The following UXS1 variants were observed in gnomAD, a reference collection of about 807,000 sequenced individuals.
UXS1 encodes UDP-glucuronic acid decarboxylase 1.
A neutral mutation model predicts 62.6 loss-of-function variants in UXS1; 33 were observed. The ratio of observed to expected loss-of-function variants is 0.53; its 90% CI spans 0.40 to 0.70. The LOEUF is 0.70. Among genes scored for constraint, UXS1 ranks in the 30% least tolerant of loss-of-function variants. The probability of loss-of-function intolerance (pLI) is 0.00; values close to 1 mark genes in which losing one functional copy is unlikely to be tolerated. For missense variants in UXS1, 434 were observed against 556.3 expected (o/e 0.78, Z 2.21); for synonymous variants, 213 against 206.8 (o/e 1.03, Z -0.26).
intron 9 of UXS1, among the ~76,000 whole-genome samples, chr2:106,121,488 T>C (rs1229469833): frequency 6.6e-6 from 1 of 152,126 alleles, no homozygotes. Flanking sequence ...CTGGAACACA[T>C]TCTAGAATAA....
chr2:106,141,745 G>A (rs1475527704), intron 6 of UXS1, among the ~76,000 whole-genome samples: 2 of 151,088 alleles, frequency 1.3e-5, no homozygotes, highest in African/African-American at 2.4e-5. Flanking sequence ...CACTGTGCCC[G>A]GCCATCTTTT....
At chr2:106,145,524 T>C (rs1172895105) in intron 5 of UXS1, 154 bp from the exon 6 acceptor site, 1 of 878,780 alleles carries the variant, frequency 1.1e-6, no homozygotes, top group Non-Finnish European at 1.7e-6. Context: ...TAAGGTAGCA[T>C]CTTGACTCTT....
chr2:106,112,415 T>C (rs1377122178), intron 10 of UXS1, among the ~76,000 whole-genome samples: 1 of 152,198 alleles, frequency 6.6e-6, no homozygotes, highest in African/African-American at 2.4e-5. Context: ...CCTGGAGGCA[T>C]GGGCAGGGAC....
At chr2:106,124,876 T>G (rs1679800322) in intron 8 of UXS1, among the ~76,000 whole-genome samples, 1 of 152,188 alleles carries the variant, frequency 6.6e-6, no homozygotes, top group South Asian at 2.1e-4. Context: ...TAAAAAAAAG[T>G]CTCTTCTGAT....
At chr2:106,102,217 C>A (rs1274856485) in intron 11 of UXS1, 1 of 152,200 alleles carries the variant, frequency 6.6e-6, no homozygotes, top group Admixed American at 6.5e-5. Context: ...TTTATAGAAA[C>A]TAGCAAAAAG....
intron 7 of UXS1, among the ~76,000 whole-genome samples, chr2:106,125,890 G>A (rs982944876): frequency 1.3e-5 from 2 of 152,216 alleles, no homozygotes; most frequent in Admixed American, 6.5e-5. Context: ...GTATTTTGTT[G>A]AATACTTGTC....
chr2:106,139,661 T>G (rs1177789418), intron 6 of UXS1, among the ~76,000 whole-genome samples: 2 of 152,218 alleles, frequency 1.3e-5, no homozygotes, highest in African/African-American at 4.8e-5. Context: ...GACTGTAGCT[T>G]CCACTCCTTT....
At chr2:106,167,803 T>C (rs540882933) in intron 1 of UXS1, among the ~76,000 whole-genome samples, 2 of 151,568 alleles carry the variant, frequency 1.3e-5, no homozygotes, top group East Asian at 3.9e-4. Context: ...TGAGACCTAC[T>C]GGGCTACATT....
chr2:106,156,835 C>T (rs571123738), intron 5 of UXS1, among the ~76,000 whole-genome samples: 4 of 151,990 alleles, frequency 2.6e-5, no homozygotes, highest in Non-Finnish European at 4.4e-5. Flanking sequence ...GCTGAATCCA[C>T]GGATAAGGAA....
chr2:106,139,727 T>C (rs977041342), intron 6 of UXS1, among the ~76,000 whole-genome samples: 11 of 152,216 alleles, frequency 7.2e-5, no homozygotes, highest in Non-Finnish European at 1.6e-4. Flanking sequence ...GTGTCAAGCC[T>C]CATTCTGTGC....
Position 106,194,212 on chromosome 2 carries a change from C to G in UXS1, c.30G>C (p.Val10=). 6.8e-7 allele frequency: 1 copy of G among 1,470,212 alleles called. No homozygotes were observed. The highest frequency in any genetic ancestry group is 9.0e-7 in the Non-Finnish European group (1 of 1,108,430). The allele number at this position is 1,470,212 out of a possible 1,614,324, so 91.1% of individuals were successfully genotyped here. ...TCATCCTCCTGCGGTTGACGGCAGA[C>G]ACGAGGCGCAGCAGCGCCTTGCTCA... MVSKALLRL[V]SAVNRRRMKL... The change falls in exon 1 of 15, where the codon GTG becomes GTC. Residue 10 remains valine (V), a synonymous_variant. Transcript: ENST00000283148.
At chr2:106,097,335 G>A in intron 13 of UXS1, 1 of 404,646 alleles carries the variant, frequency 2.5e-6, no homozygotes, top group South Asian at 1.8e-5. Context: ...AGGCTGGCCT[G>A]TTCCACATCC....
At position 106,116,179 on chromosome 2, in the gene UXS1, C is replaced by A. The variant is rs187459994; in HGVS notation, c.760-3414G>T. On this transcript the variant is annotated intron_variant, in intron 9 of 14. Coordinates refer to ENST00000283148, the MANE Select transcript of UXS1 (RefSeq NM_001253875.2). ...GGGATTCCTCCCTCCCCAGATATCT[C>A]CCAAGGACAGAAATGTTACCAGCAG... 2.6e-5 allele frequency among the ~76,000 whole-genome samples: 4 copies of A among 152,268 alleles called. No homozygotes were observed. In the East Asian group the frequency reaches 7.7e-4, roughly 29 times the overall value.
At chr2:106,189,113 A>G (rs1684761002) in intron 1 of UXS1, among the ~76,000 whole-genome samples, 1 of 152,216 alleles carries the variant, frequency 6.6e-6, no homozygotes, top group Non-Finnish European at 1.5e-5. Context: ...TAGTAGTCCC[A>G]GAAAGAGATG....
intron 12 of UXS1, among the ~76,000 whole-genome samples, chr2:106,099,946 A>G (rs1363807308): frequency 2.0e-5 from 3 of 152,208 alleles, no homozygotes; most frequent in African/African-American, 7.2e-5. Context: ...CCTCAGGGAA[A>G]AATGCATGGT....
chr2:106,191,646 A>C (rs1257898850), intron 1 of UXS1, among the ~76,000 whole-genome samples: 1 of 151,964 alleles, frequency 6.6e-6, no homozygotes, highest in Non-Finnish European at 1.5e-5. Flanking sequence ...TTGTTTTCAC[A>C]CTCCAACAAT....
intron 14 of UXS1, 80 bp from the exon 15 acceptor site, chr2:106,094,237 G>GGAAGGAAGTGCCACCTTGCAA: frequency 1.3e-6 from 2 of 1,599,414 alleles, no homozygotes; most frequent in Non-Finnish European, 1.7e-6. Flanking sequence ...CCACCTTGCA[G>GGAAGGAAGTGCCACCTTGCAA]GAAGGAAGTG....
At chr2:106,144,858 C>T (rs995246829) in intron 6 of UXS1, among the ~76,000 whole-genome samples, 1 of 152,206 alleles carries the variant, frequency 6.6e-6, no homozygotes, top group African/African-American at 2.4e-5. Flanking sequence ...AATACCATCA[C>T]TGTGGGGCTT....
chr2:106,183,326 A>G (rs562151815), intron 1 of UXS1: 2 of 152,082 alleles, frequency 1.3e-5, no homozygotes, highest in South Asian at 4.1e-4. Context: ...TTTGCTTTCA[A>G]TTTCTAAAAA....
Sources: allele counts gnomAD v4.1 joint callset (sites outside exome capture counted in the v4.1 genomes callset), GRCh38; gene constraint gnomAD v4.1.1; transcripts MANE v1.5; gene names NCBI Gene and HGNC (gene_info 2026-07-23, HGNC 2026-07-21).